Variants in ACAP2 observed in about 807,000 individuals in gnomAD.
ACAP2 encodes the protein arf-GAP with coiled-coil, ANK repeat and PH domain-containing protein 2.
In ACAP2, 39 loss-of-function variants were observed where a neutral mutation model predicts 115.8. The ratio of observed to expected loss-of-function variants is 0.34; its 90% CI spans 0.26 to 0.44. ACAP2 has a LOEUF of 0.44. ACAP2 is among the 20% of genes least tolerant of loss of function. The pLI, the probability that ACAP2 is intolerant of heterozygous loss-of-function variation, is 1.00. For synonymous variants in ACAP2, 289 were observed against 315.8 expected (o/e 0.92, Z 0.90); for missense variants, 662 against 927.6 (o/e 0.71, Z 3.72).
chr3:195,301,414 G>A lies in ACAP2; in HGVS notation c.1395+161C>T, dbSNP rs566599222. On this transcript the variant is annotated intron_variant, in intron 15 of 22. Coordinates refer to ENST00000326793, the MANE Select transcript of ACAP2 (RefSeq NM_012287.6). ...TGTAGCCATTTTTAAAACTTACAAT[G>A]AAAACACCAGATTTGCCAAAATAGC... Among the ~76,000 whole-genome samples the A allele has an allele frequency of 7.0e-4, 107 of 152,202 alleles. 1 individual carries two copies. Among genetic ancestry groups the A allele is most frequent in the Non-Finnish European group, 9.4e-4 (64 of 68,002 alleles).
intron 11 of ACAP2, among the ~76,000 whole-genome samples, chr3:195,308,560 A>G (rs1445510673): frequency 6.6e-6 from 1 of 152,218 alleles, no homozygotes; most frequent in African/African-American, 2.4e-5. Context: ...AGAAAAATCC[A>G]TCTCAAAGCA....
rs1726341273 is a variant in ACAP2, at chr3:195,279,390, G to A, written c.2275C>T (p.Gln759Ter). 1 of 1,605,922 alleles carries A rather than the reference G, an allele frequency of 6.2e-7. No individual in the cohort carries two copies. The highest frequency in any genetic ancestry group is 1.7e-5 in the Admixed American group (1 of 57,828). ...TTCTCTGGATTATTGGATGCCATTTGGGAAAAATCACGAAATATGTCCTGA... is the reference window on the plus strand; with the variant it reads ...TTCTCTGGATTATTGGATGCCATTTAGGAAAAATCACGAAATATGTCCTGA... ...TYQDIFRDFS[Q>*]MASNNPEKLN... Residue 759 changes from glutamine (Q) to a stop codon, truncating the protein, a stop_gained, in exon 23 of 23, where the codon CAA (glutamine) becomes TAA (stop). Coordinates refer to ENST00000326793, the MANE Select transcript of ACAP2 (RefSeq NM_012287.6). LOFTEE classifies it high-confidence loss of function.
chr3:195,436,053 T>C (rs1280582511), intron 1 of ACAP2, among the ~76,000 whole-genome samples: 4 of 151,838 alleles, frequency 2.6e-5, no homozygotes, highest in Non-Finnish European at 5.9e-5. Flanking sequence ...AGTCATTATG[T>C]CTTTCTTATG....
intron 4 of ACAP2, among the ~76,000 whole-genome samples, chr3:195,353,212 G>A (rs750961833): frequency 3.9e-5 from 6 of 152,090 alleles, no homozygotes; most frequent in Non-Finnish European, 5.9e-5. Flanking sequence ...TCCTTGGTCA[G>A]AGGACCAGAG....
At position 195,404,514 on chromosome 3, in the gene ACAP2, T is replaced by C. The variant is rs558698937; in HGVS notation, c.54-12367A>G. Among the ~76,000 whole-genome samples, 69 of 152,134 alleles carry C rather than the reference T, an allele frequency of 4.5e-4. 1 individual carries two copies. In the South Asian group the frequency reaches 5.0e-3, roughly 11 times the overall value. On this transcript the variant is annotated intron_variant, in intron 1 of 22. Transcript: ENST00000326793. ...ATACCCTGAAAATGAGTTGTAACATTCAGGAAGAAAGGTAAGTAACCAGAT... is the reference window on the plus strand; with the variant it reads ...ATACCCTGAAAATGAGTTGTAACATCCAGGAAGAAAGGTAAGTAACCAGAT...
At chr3:195,301,410 C>A (rs531791496) in intron 15 of ACAP2, among the ~76,000 whole-genome samples, 165 bp downstream of exon 15, 2 of 152,118 alleles carry the variant, frequency 1.3e-5, no homozygotes, top group African/African-American at 2.4e-5. Context: ...TTAAAACTTA[C>A]AATGAAAACA....
Position 195,307,273 on chromosome 3 carries a change from A to G in ACAP2, c.960T>C (p.His320=), listed in dbSNP as rs142951006. The change falls in exon 12 of 23, where the codon CAT becomes CAC. Residue 320 remains histidine, a synonymous_variant. Transcript: ENST00000326793. ...AGAATCGTCGCTCTATGTCTTCACA[A>G]TGTTTCACTGTGCAAAGCCTGAGGT... ...VEDLRLCTVK[H]CEDIERRFCF... 878 of 1,613,370 alleles carry G rather than the reference A, an allele frequency of 5.4e-4. No homozygotes were observed. The highest frequency in any genetic ancestry group is 7.1e-4 in the Non-Finnish European group (833 of 1,179,606).
intron 8 of ACAP2, among the ~76,000 whole-genome samples, chr3:195,329,491 G>A (rs1175132828): frequency 6.6e-6 from 1 of 151,894 alleles, no homozygotes; most frequent in African/African-American, 2.4e-5. Flanking sequence ...TTTTAAGTTG[G>A]TGCAAACCAT....
intron 13 of ACAP2, among the ~76,000 whole-genome samples, chr3:195,302,716 T>C (rs1395378156): frequency 6.6e-6 from 1 of 152,140 alleles, no homozygotes; most frequent in Non-Finnish European, 1.5e-5. Context: ...GAATCAAATA[T>C]AGAACATACA....
chr3:195,292,519 T>C (rs1577244971), intron 18 of ACAP2, 67 bp from the exon 19 acceptor site: 1 of 1,450,548 alleles, frequency 6.9e-7, no homozygotes, highest in African/African-American at 1.4e-5. Flanking sequence ...AATTATTTAA[T>C]AGGTAGAGTT....
chr3:195,435,458 A>C (rs1415256184), intron 1 of ACAP2, among the ~76,000 whole-genome samples: 4 of 150,236 alleles, frequency 2.7e-5, no homozygotes, highest in Admixed American at 6.7e-5. Flanking sequence ...GAGCCACTGC[A>C]CCCGGCCTCT....
At chr3:195,285,575 A>T (rs1156515343) in intron 22 of ACAP2, 5 of 508,960 alleles carry the variant, frequency 9.8e-6, no homozygotes, top group Non-Finnish European at 1.7e-5. Context: ...GTACTGTCAT[A>T]GGAAGAGTTA....
chr3:195,320,068 G>A (rs969114110), intron 10 of ACAP2, among the ~76,000 whole-genome samples: 1 of 152,116 alleles, frequency 6.6e-6, no homozygotes, highest in African/African-American at 2.4e-5. Context: ...TTTCCCCTGA[G>A]CACTCTCTCT....
rs1290207233 is a variant in ACAP2 at position 195,295,761 on chromosome 3, C to T, written c.1619G>A (p.Ser540Asn). ...VSKSSEEKRLSISKFGPGDQV... is the reference protein window; with the variant it reads ...VSKSSEEKRLNISKFGPGDQV... ...GTCCCCTGGCCCAAATTTAGAAATGCTCAGCCTCTTTTCTTCAGAACTTTT... is the reference window on the plus strand; with the variant it reads ...GTCCCCTGGCCCAAATTTAGAAATGTTCAGCCTCTTTTCTTCAGAACTTTT... The change falls in exon 17 of 23, where the codon AGC becomes AAC. Residue 540 changes from serine (S) to asparagine (N), a missense_variant. By Grantham distance (46) the Ser-to-Asn change is conservative. Around this residue, in one of 3 missense-constraint regions of ACAP2, gnomAD observed 133 missense variants for 123.1 expected, o/e 1.08. Transcript: ENST00000326793. The T allele has an allele frequency of 1.9e-6, 3 of 1,614,148 alleles. No individual in the cohort carries two copies. Among genetic ancestry groups the T allele is most frequent in the South Asian group, 2.2e-5 (2 of 91,088 alleles).
chr3:195,390,441 T>C (rs183232560), intron 2 of ACAP2, among the ~76,000 whole-genome samples: 7 of 152,320 alleles, frequency 4.6e-5, no homozygotes, highest in African/African-American at 1.2e-4. Flanking sequence ...TTCTAAAATT[T>C]TGATGTAATT....
intron 2 of ACAP2, 61 bp downstream of exon 2, chr3:195,392,029 C>T: frequency 1.5e-6 from 2 of 1,370,476 alleles, no homozygotes; most frequent in African/African-American, 2.9e-5. Context: ...ACTGTAGGTA[C>T]TAATCATTAT....
intron 1 of ACAP2, among the ~76,000 whole-genome samples, chr3:195,425,456 T>TA: frequency 6.6e-6 from 1 of 152,214 alleles, no homozygotes; most frequent in African/African-American, 2.4e-5. Context: ...TAAAAGCCTG[T>TA]TGCCTATCTA....
At chr3:195,372,501 G>C (rs889300188) in intron 4 of ACAP2, among the ~76,000 whole-genome samples, 1 of 152,060 alleles carries the variant, frequency 6.6e-6, no homozygotes, top group African/African-American at 2.4e-5. Flanking sequence ...CAGCGACCTG[G>C]GCAACACAGT....
chr3:195,425,529 A>T (rs1334709727), intron 1 of ACAP2, among the ~76,000 whole-genome samples: 1 of 152,204 alleles, frequency 6.6e-6, no homozygotes, highest in Admixed American at 6.5e-5. Context: ...CTGTGTCCCA[A>T]AAAGTTTACC....
Sources: allele counts gnomAD v4.1 joint callset (sites outside exome capture counted in the v4.1 genomes callset), GRCh38; gene constraint gnomAD v4.1.1; regional missense constraint gnomAD v4.1.1; transcripts MANE v1.5; gene names NCBI Gene and HGNC (gene_info 2026-07-23, HGNC 2026-07-21).